The following SCFD2 variants were observed in gnomAD, a reference collection of about 807,000 sequenced individuals.
The protein encoded by SCFD2 is sec1 family domain containing 2, also known as sec1 family domain-containing protein 2.
SCFD2 carries 54 observed loss-of-function variants against 58.9 expected under a neutral mutation model. The observed-to-expected ratio is 0.92, with a 90% CI of 0.74 to 1.15. The LOEUF is 1.15. Among genes scored for constraint, SCFD2 ranks in the 50% most tolerant of loss-of-function variants. The pLI is 0.00. For synonymous variants in SCFD2, 321 were observed against 335.9 expected (o/e 0.96, Z 0.49); for missense variants, 805 against 836.6 (o/e 0.96, Z 0.47).
At chr4:53,222,301 A>G (rs1228904667) in intron 4 of SCFD2, among the ~76,000 whole-genome samples, 2 of 152,244 alleles carry the variant, frequency 1.3e-5, no homozygotes, top group Non-Finnish European at 2.9e-5. Context: ...TCACCATCAT[A>G]GTATTTAACC....
intron 5 of SCFD2, among the ~76,000 whole-genome samples, chr4:53,110,086 G>A (rs1288607241): frequency 7.6e-6 from 1 of 132,244 alleles, no homozygotes; most frequent in East Asian, 2.7e-4. Flanking sequence ...GAAATAACAC[G>A]ACACACCTAC....
chr4:53,201,680 G>A (rs1728244331), intron 4 of SCFD2, among the ~76,000 whole-genome samples: 1 of 152,112 alleles, frequency 6.6e-6, no homozygotes, highest in South Asian at 2.1e-4. Flanking sequence ...ATCCTCTCCA[G>A]CACCTGTTGT....
At chr4:53,096,912 C>A (rs1724655316) in intron 5 of SCFD2, among the ~76,000 whole-genome samples, 1 of 152,146 alleles carries the variant, frequency 6.6e-6, no homozygotes, top group Non-Finnish European at 1.5e-5. Flanking sequence ...GGAAGGGATC[C>A]AGTTTCAGCT....
chr4:53,283,188 C>G (rs1731559198), intron 3 of SCFD2, among the ~76,000 whole-genome samples: 1 of 152,182 alleles, frequency 6.6e-6, no homozygotes, highest in Non-Finnish European at 1.5e-5. Flanking sequence ...TAGTCTCCTC[C>G]TAAAGGTAAA....
chr4:53,174,687 A>T (rs986210991), intron 4 of SCFD2, among the ~76,000 whole-genome samples: 10 of 152,184 alleles, frequency 6.6e-5, no homozygotes, highest in African/African-American at 2.4e-4. Context: ...ACTTACATTA[A>T]TGAAATCTGT....
intron 5 of SCFD2, among the ~76,000 whole-genome samples, chr4:53,128,114 A>G (rs907721555): frequency 1.3e-5 from 2 of 150,386 alleles, no homozygotes; most frequent in Non-Finnish European, 3.0e-5. Flanking sequence ...AATTGTTTTC[A>G]TTTGTTGAAT....
chr4:53,026,999 C>T (rs984252517), intron 5 of SCFD2, among the ~76,000 whole-genome samples: 1 of 152,190 alleles, frequency 6.6e-6, no homozygotes, highest in African/African-American at 2.4e-5. Context: ...GCCTGTCACC[C>T]TAGTGACCTG....
chr4:53,364,853 C>A (rs1295660124), intron 1 of SCFD2, among the ~76,000 whole-genome samples: 1 of 152,162 alleles, frequency 6.6e-6, no homozygotes, highest in Non-Finnish European at 1.5e-5. Context: ...TGTTGTTTAA[C>A]AAGGCAATGG....
chr4:53,366,055 G>T lies in SCFD2; in HGVS notation c.-114C>A. 4 of 1,249,234 alleles carry T rather than the reference G, an allele frequency of 3.2e-6. No individual in the cohort carries two copies. Among genetic ancestry groups the T allele is most frequent in the Admixed American group, 2.5e-5 (1 of 40,092 alleles). 77.4% of individuals were successfully genotyped at this position (1,249,234 alleles called of 1,614,324 possible). On this transcript the variant is annotated 5_prime_UTR_variant, in exon 1 of 9. Coordinates refer to ENST00000401642, the MANE Select transcript of SCFD2 (RefSeq NM_152540.4). The stretch of plus-strand genomic sequence containing the variant: ...GACAGTCTCCACAGTACACGTGGTC[G>T]GCCTCTGACACGCTCCCTGATGGCG...
intron 2 of SCFD2, among the ~76,000 whole-genome samples, chr4:53,327,464 C>T (rs1207314301): frequency 6.6e-6 from 1 of 152,080 alleles, no homozygotes; most frequent in African/African-American, 2.4e-5. Flanking sequence ...GCAGTGGCAG[C>T]CCAGAGCAGG....
chr4:53,248,335 G>C (rs944439651), intron 4 of SCFD2, among the ~76,000 whole-genome samples: 2 of 152,186 alleles, frequency 1.3e-5, no homozygotes, highest in African/African-American at 4.8e-5. Flanking sequence ...AGGTGGCAGC[G>C]AGGATGGGGG....
At chr4:53,355,723 A>G (rs1322251360) in intron 1 of SCFD2, among the ~76,000 whole-genome samples, 2 of 152,106 alleles carry the variant, frequency 1.3e-5, no homozygotes, top group Non-Finnish European at 1.5e-5. Flanking sequence ...CTGATCTCCT[A>G]TCGGTGTTCC....
At chr4:53,211,320 C>T (rs1466971396) in intron 4 of SCFD2, among the ~76,000 whole-genome samples, 8 of 151,944 alleles carry the variant, frequency 5.3e-5, no homozygotes, top group African/African-American at 1.7e-4. Flanking sequence ...CTGGAGGATG[C>T]ACACCCAGGG....
chr4:53,305,526 C>T (rs1169461154), intron 3 of SCFD2, among the ~76,000 whole-genome samples: 1 of 152,164 alleles, frequency 6.6e-6, no homozygotes, highest in African/African-American at 2.4e-5. Flanking sequence ...TGAAGTCAGA[C>T]ATTAGACATG....
intron 3 of SCFD2, among the ~76,000 whole-genome samples, chr4:53,311,778 G>A (rs1406298838): frequency 6.6e-6 from 1 of 151,950 alleles, no homozygotes; most frequent in Non-Finnish European, 1.5e-5. Context: ...TGGGACTACA[G>A]GTGCGCGCCA....
At chr4:53,248,694 G>C (rs116655937) in intron 4 of SCFD2, among the ~76,000 whole-genome samples, 2,774 of 152,234 alleles carry the variant, frequency 0.018, 92 homozygotes, top group African/African-American at 0.063. Flanking sequence ...GTACTCCTCA[G>C]GGTCTGGAGT....
chr4:52,885,951 G>A, intron 7 of SCFD2, 85 bp from the exon 8 acceptor site: 2 of 1,540,814 alleles, frequency 1.3e-6, no homozygotes, highest in Non-Finnish European at 1.8e-6. Flanking sequence ...TTGTCCCTCT[G>A]TAGAAACCTC....
intron 6 of SCFD2, among the ~76,000 whole-genome samples, chr4:52,917,941 C>T (rs928074622): frequency 3.3e-5 from 5 of 152,170 alleles, no homozygotes; most frequent in African/African-American, 7.2e-5. Context: ...TTAGTGCATG[C>T]GCATCACAGC....
intron 2 of SCFD2, among the ~76,000 whole-genome samples, chr4:53,327,422 G>A (rs1187571181): frequency 6.6e-6 from 1 of 152,164 alleles, no homozygotes; most frequent in Non-Finnish European, 1.5e-5. Context: ...GGAGTGAGAA[G>A]GATACCCACA....
Sources: allele counts gnomAD v4.1 joint callset (sites outside exome capture counted in the v4.1 genomes callset), GRCh38; gene constraint gnomAD v4.1.1; transcripts MANE v1.5; gene names NCBI Gene and HGNC (gene_info 2026-07-23, HGNC 2026-07-21).